RBFOX1: variants seen among roughly 807,000 people sequenced by gnomAD.
RBFOX1 encodes RNA binding fox-1 homolog 1.
A neutral mutation model predicts 57.7 loss-of-function variants in RBFOX1; 8 were observed. The observed-to-expected ratio is 0.14, with a 90% CI of 0.08 to 0.25. The LOEUF (loss-of-function observed/expected upper bound fraction) is 0.25. RBFOX1 is among the 10% of genes least tolerant of loss of function. The pLI is 1.00. For missense variants in RBFOX1, 611 were observed against 548.5 expected (o/e 1.11, Z -1.14); for synonymous variants, 326 against 222.4 (o/e 1.47, Z -4.15).
rs965435240 is a variant in RBFOX1 at position 7,713,195 on chromosome 16, T to C, written c.*2450T>C. 2.6e-5 allele frequency: 4 copies of C among 152,252 alleles called. No individual in the cohort carries two copies. The highest frequency in any genetic ancestry group is 2.1e-4 in the South Asian group (1 of 4,836). 9.4% of individuals were successfully genotyped at this position (152,252 alleles called of 1,614,324 possible). A position where few individuals can be genotyped will look rare whatever the true frequency, so the allele number is the denominator to read the frequency against. The stretch of plus-strand genomic sequence containing the variant: ...ATTATGTGTGGCATATAGTGACTTC[T>C]TAACACACACATCACGCAATCTGCA... On this transcript the variant is annotated 3_prime_UTR_variant, in exon 16 of 16. Coordinates refer to ENST00000550418, the MANE Select transcript of RBFOX1 (RefSeq NM_018723.4).
At position 6,286,528 on chromosome 16, in the gene RBFOX1, G is replaced by A. The variant is rs992786606; in HGVS notation, c.-126-30467G>A. On this transcript the variant is annotated intron_variant, in intron 1 of 15. Transcript: ENST00000550418. ...GTTGCAAGGAATGGAAATGAGATATGTGCTACCCTTAGAATATTAAGTTTG... is the reference window on the plus strand; with the variant it reads ...GTTGCAAGGAATGGAAATGAGATATATGCTACCCTTAGAATATTAAGTTTG... Among the ~76,000 whole-genome samples the A allele has an allele frequency of 2.6e-5, 4 of 152,224 alleles. No homozygotes were observed. The South Asian group carries it at 8.3e-4, about 31-fold the overall frequency.
intron 1 of RBFOX1, among the ~76,000 whole-genome samples, chr16:5,459,628 T>G (rs1196650039): frequency 6.6e-6 from 1 of 152,076 alleles, no homozygotes; most frequent in African/African-American, 2.4e-5. Flanking sequence ...CTTTTTCAGT[T>G]TATTAATAAG....
chr16:7,588,578 T>G (rs1237260579), intron 7 of RBFOX1, among the ~76,000 whole-genome samples: 9 of 152,136 alleles, frequency 5.9e-5, no homozygotes, highest in Non-Finnish European at 1.3e-4. Flanking sequence ...TCTCCTTGCA[T>G]CCTCAGACTA....
rs536034167 is a variant in RBFOX1 at position 6,992,160 on chromosome 16, G to A, written c.-15-59897G>A. On this transcript the variant is annotated intron_variant, in intron 3 of 15. Transcript: ENST00000550418. ...TAGGAAGCAGAACCAAGCTCATAGA[G>A]AAGCAATTTTTTGTTTTTTTTGAGA... Among the ~76,000 whole-genome samples the A allele has an allele frequency of 1.4e-4, 19 of 139,586 alleles. No homozygotes were observed. The South Asian group carries it at 4.5e-3, about 33-fold the overall frequency. 91.6% of individuals were successfully genotyped at this position (139,586 alleles called of 152,430 possible).
intron 3 of RBFOX1, among the ~76,000 whole-genome samples, chr16:5,626,031 C>G (rs1035675814): frequency 6.6e-6 from 1 of 152,184 alleles, no homozygotes; most frequent in Non-Finnish European, 1.5e-5. Flanking sequence ...CATGTGCCAC[C>G]ACGCCTGGCT....
intron 3 of RBFOX1, among the ~76,000 whole-genome samples, chr16:6,780,188 TATTTATATATTTTTATATATTTA>T (rs1567213994): frequency 5.0e-5 from 2 of 40,114 alleles, no homozygotes; most frequent in African/African-American, 3.7e-4. Flanking sequence ...TTTATATATA[TATTTATATATTTTTATATATTTA>T]TATATATTTA....
intron 2 of RBFOX1, among the ~76,000 whole-genome samples, chr16:5,488,399 G>A (rs952536334): frequency 2.6e-5 from 4 of 151,498 alleles, no homozygotes; most frequent in South Asian, 2.1e-4. Context: ...CTGGTGTGGC[G>A]GGGTGTGATG....
intron 3 of RBFOX1, among the ~76,000 whole-genome samples, chr16:5,815,456 CA>C (rs2055599591): frequency 6.6e-6 from 1 of 152,074 alleles, no homozygotes; most frequent in African/African-American, 2.4e-5. Context: ...AAACCTCAGC[CA>C]GGGGTGCTAA....
At chr16:6,971,748 T>G (rs11077120) in intron 3 of RBFOX1, among the ~76,000 whole-genome samples, 120,933 of 151,824 alleles carry the variant, frequency 0.8, 48,670 homozygotes, top group African/African-American at 0.92. Flanking sequence ...GGGGACATCG[T>G]GGAGATGTCA....
At chr16:6,602,644 A>G (rs1252161051) in intron 2 of RBFOX1, among the ~76,000 whole-genome samples, 1 of 152,136 alleles carries the variant, frequency 6.6e-6, no homozygotes, top group African/African-American at 2.4e-5. Flanking sequence ...CTCATCTCCA[A>G]GGTGGCCAGG....
intron 3 of RBFOX1, among the ~76,000 whole-genome samples, chr16:6,950,047 A>C (rs1190742377): frequency 2.0e-5 from 3 of 150,972 alleles, no homozygotes; most frequent in Non-Finnish European, 2.9e-5. Flanking sequence ...CCTGGGTTCA[A>C]GTGATTGTCC....
chr16:7,031,058 C>G (rs779469174), intron 3 of RBFOX1, among the ~76,000 whole-genome samples: 2 of 152,180 alleles, frequency 1.3e-5, no homozygotes, highest in Non-Finnish European at 2.9e-5. Context: ...GATGCTGATG[C>G]TGCTTCTTCC....
chr16:7,582,091 A>G (rs2093816320), intron 6 of RBFOX1, among the ~76,000 whole-genome samples: 1 of 149,146 alleles, frequency 6.7e-6, no homozygotes, highest in Non-Finnish European at 1.5e-5. Flanking sequence ...GTGAAGTGGC[A>G]TGATCTCGGC....
rs2051262303 is a variant in RBFOX1, at chr16:5,706,728, T to TC, written c.318+107769dup. 2.6e-5 allele frequency among the ~76,000 whole-genome samples: 4 copies of TC among 152,182 alleles called. No individual in the cohort carries two copies. The South Asian group carries it at 8.3e-4, about 32-fold the overall frequency. ...AATGAAATGATTTTGGTATTTTTTT[T>TC]CCTACGATGGTTGATGGTTGATTTG... On this transcript the variant is annotated intron_variant, in intron 3 of 19. Coordinates refer to the RBFOX1 transcript ENST00000641259.
intron 1 of RBFOX1, among the ~76,000 whole-genome samples, chr16:6,312,241 G>T (rs2080415502): frequency 6.6e-6 from 1 of 152,130 alleles, no homozygotes; most frequent in South Asian, 2.1e-4. Flanking sequence ...AAAGTCAGGA[G>T]GTGTTCTAGG....
At chr16:7,415,303 C>G (rs139861713) in intron 4 of RBFOX1, among the ~76,000 whole-genome samples, 4,080 of 152,214 alleles carry the variant, frequency 0.027, 76 homozygotes, top group Non-Finnish European at 0.036. Flanking sequence ...GCATTATAAT[C>G]CAAGATAAAT....
intron 3 of RBFOX1, among the ~76,000 whole-genome samples, chr16:5,648,499 G>A (rs1474722266): frequency 1.3e-5 from 2 of 152,124 alleles, no homozygotes; most frequent in African/African-American, 4.8e-5. Context: ...AATGTCCAGT[G>A]ACATTTTGCT....
chr16:7,180,009 C>A (rs2082383785), intron 4 of RBFOX1, among the ~76,000 whole-genome samples: 2 of 151,976 alleles, frequency 1.3e-5, no homozygotes, highest in Non-Finnish European at 2.9e-5. Flanking sequence ...CCCCAAAGTG[C>A]TGGAAATATA....
chr16:6,307,889 ATATT>A (rs776588091), intron 1 of RBFOX1, among the ~76,000 whole-genome samples: 1 of 132,018 alleles, frequency 7.6e-6, no homozygotes, highest in Non-Finnish European at 1.6e-5. Flanking sequence ...TATTATTTAT[ATATT>A]TATTTGGATT....
Sources: gnomAD v4.1 joint callset for allele counts (sites outside exome capture counted in the v4.1 genomes callset) on GRCh38, gnomAD v4.1.1 for gene constraint, MANE v1.5 for transcripts, NCBI Gene and HGNC (gene_info 2026-07-23, HGNC 2026-07-21) for gene names.